The following TRPM1 variants were observed in gnomAD, a reference collection of about 807,000 sequenced individuals.
The protein encoded by TRPM1 is transient receptor potential cation channel subfamily M member 1.
TRPM1 carries 113 observed loss-of-function variants against 149.4 expected under a neutral mutation model. The ratio of observed to expected loss-of-function variants is 0.76; its 90% CI spans 0.65 to 0.88. The LOEUF is 0.88. Ranked by LOEUF, TRPM1 falls within the 40% of genes least tolerant of loss-of-function variation. The pLI is 0.00. For synonymous variants in TRPM1, 741 were observed against 759.5 expected, an observed-to-expected ratio of 0.98 and a Z score of 0.40; for missense variants, 1,976 against 2,038.7, an observed-to-expected ratio of 0.97 and a Z score of 0.59.
intron 20 of TRPM1, among the ~76,000 whole-genome samples, chr15:31,037,043 G>T (rs1370446150): frequency 6.6e-6 from 1 of 152,236 alleles, no homozygotes; most frequent in Non-Finnish European, 1.5e-5. Context: ...GACTGACGTG[G>T]TTGCACAAGC....
At chr15:31,113,611 T>C (rs1034210272) in intron 1 of TRPM1, among the ~76,000 whole-genome samples, 3 of 152,334 alleles carry the variant, frequency 2.0e-5, no homozygotes, top group Non-Finnish European at 2.9e-5. Context: ...CAAGTAAACT[T>C]GTGTCATAGC....
At chr15:31,024,872 T>G (rs928566474) in intron 27 of TRPM1, among the ~76,000 whole-genome samples, 10 of 152,190 alleles carry the variant, frequency 6.6e-5, no homozygotes, top group African/African-American at 2.4e-4. Context: ...TTATTAAAAA[T>G]TCACCTTGGT....
rs2033790732 is a variant in TRPM1, at chr15:31,047,136, T to C, written c.1739A>G (p.Tyr580Cys). The change falls in exon 15 of 28, where the codon TAC (tyrosine) becomes TGC (cysteine). Residue 580 changes from tyrosine (Y) to cysteine (C), a missense_variant. This residue lies in a region of TRPM1 where 1,332 missense variants were observed against 1,347.1 expected (regional missense o/e 0.99). Transcript: ENST00000256552. ...NYTRKNFRTL[Y>C]NNLFGPKRPK... ...CCTCTTTGGTCCAAACAAGTTGTTG[T>C]AAAGGGTCCGAAAGTTTTTCCGAGT... 1.2e-6 allele frequency: 2 copies of C among 1,614,162 alleles called. No homozygotes were observed. The highest frequency in any genetic ancestry group is 1.7e-6 in the Non-Finnish European group (2 of 1,180,026).
intron 27 of TRPM1, among the ~76,000 whole-genome samples, chr15:31,020,293 G>A (rs1272283625): frequency 1.3e-5 from 2 of 152,232 alleles, no homozygotes; most frequent in African/African-American, 2.4e-5. Context: ...CCAGGACTAA[G>A]CAAGGATATT....
chr15:31,072,008 T>TAGAGAG (rs1217815144), intron 3 of TRPM1, among the ~76,000 whole-genome samples: 3 of 34,756 alleles, frequency 8.6e-5, no homozygotes, highest in African/African-American at 2.5e-4. Context: ...TATATATATA[T>TAGAGAG]ATATATATAT....
intron 1 of TRPM1, among the ~76,000 whole-genome samples, chr15:31,134,039 C>G (rs981209276): frequency 6.6e-6 from 1 of 152,188 alleles, no homozygotes; most frequent in Non-Finnish European, 1.5e-5. Context: ...CCCTGGCAGT[C>G]CATGCAAAGG....
At chr15:31,156,195 CAAAAAAAAAAAAAAA>C (rs35981768) in intron 1 of TRPM1, among the ~76,000 whole-genome samples, 3 of 36,638 alleles carry the variant, frequency 8.2e-5, no homozygotes, top group South Asian at 3.0e-3. Flanking sequence ...AGACCTCTGT[CAAAAAAAAAAAAAAA>C]AAAAAAAAAA....
chr15:31,060,880 AGAACAG>A (rs2034213989), intron 10 of TRPM1, among the ~76,000 whole-genome samples: 1 of 152,204 alleles, frequency 6.6e-6, no homozygotes, highest in Non-Finnish European at 1.5e-5. Flanking sequence ...TGGGAGGGAC[AGAACAG>A]GAACCCAGTG....
At chr15:31,112,919 T>A (rs2035712299) in intron 1 of TRPM1, among the ~76,000 whole-genome samples, 1 of 152,222 alleles carries the variant, frequency 6.6e-6, no homozygotes, top group African/African-American at 2.4e-5. Context: ...TCTTCTGAAA[T>A]ACCTCTTAAT....
chr15:31,114,930 A>C (rs900751763), intron 1 of TRPM1, among the ~76,000 whole-genome samples: 1 of 152,254 alleles, frequency 6.6e-6, no homozygotes, highest in African/African-American at 2.4e-5. Context: ...CAATTGTATA[A>C]CAGAATAGCA....
At chr15:31,075,772 T>C (rs114808972) in intron 3 of TRPM1, among the ~76,000 whole-genome samples, 1,747 of 152,346 alleles carry the variant, frequency 0.011, 33 homozygotes, top group African/African-American at 0.04. Context: ...CCACAGACTC[T>C]AGCCTTTCTT....
At position 31,047,937 on chromosome 15, in the gene TRPM1, T is replaced by G; in HGVS notation, c.1575A>C (p.Arg525Ser). 1.2e-6 allele frequency: 2 copies of G among 1,613,842 alleles called. No homozygotes were observed. The highest frequency in any genetic ancestry group is 1.7e-6 in the Non-Finnish European group (2 of 1,179,728). The change falls in exon 14 of 28, where the codon AGA becomes AGC. Residue 525 changes from arginine (R) to serine (S), a missense_variant and splice_region_variant. Coordinates refer to ENST00000256552, the MANE Select transcript of TRPM1 (RefSeq NM_001252024.2). ...GATGAAGTGTGTTTGGTGGACCCAG[T>G]CTCTGAAAGAGAAGCATTCATGTGT... ...IPRLEELYNTRLGPPNTLHLL... is the reference protein window; with the variant it reads ...IPRLEELYNTSLGPPNTLHLL...
At chr15:31,111,819 G>A (rs1596078767) in intron 1 of TRPM1, among the ~76,000 whole-genome samples, 1 of 152,106 alleles carries the variant, frequency 6.6e-6, no homozygotes, top group South Asian at 2.1e-4. Flanking sequence ...ATGTCCTTAA[G>A]TAATGCTTTA....
intron 3 of TRPM1, among the ~76,000 whole-genome samples, chr15:31,075,604 G>A (rs1172356459): frequency 6.6e-6 from 1 of 152,178 alleles, no homozygotes; most frequent in Non-Finnish European, 1.5e-5. Context: ...TAAGGGACAG[G>A]ATGAGAAATG....
intron 23 of TRPM1, among the ~76,000 whole-genome samples, chr15:31,029,691 A>G (rs1295725108): frequency 6.6e-6 from 1 of 152,222 alleles, no homozygotes; most frequent in Non-Finnish European, 1.5e-5. Context: ...ACTGTGAAAA[A>G]GACATGATGT....
At chr15:31,092,081 T>A (rs1430237621) in intron 1 of TRPM1, among the ~76,000 whole-genome samples, 1 of 147,620 alleles carries the variant, frequency 6.8e-6, no homozygotes, top group Admixed American at 6.7e-5. Context: ...GAGAAAGTTT[T>A]TCTCTCTGGA....
At chr15:31,063,398 G>A in intron 7 of TRPM1, 106 bp from the exon 8 acceptor site, 1 of 1,407,014 alleles carries the variant, frequency 7.1e-7, no homozygotes, top group South Asian at 1.2e-5. Flanking sequence ...ACGACTTGGG[G>A]GATGTTCTAT....
At chr15:31,027,487 T>C (rs2032831852) in intron 25 of TRPM1, among the ~76,000 whole-genome samples, 1 of 152,138 alleles carries the variant, frequency 6.6e-6, no homozygotes, top group Non-Finnish European at 1.5e-5. Context: ...AGATGACTAC[T>C]TTTTTTTCAA....
intron 27 of TRPM1, among the ~76,000 whole-genome samples, chr15:31,019,447 G>C (rs1323323611): frequency 2.6e-5 from 4 of 152,194 alleles, no homozygotes; most frequent in African/African-American, 9.6e-5. Context: ...ACGCAGGCTG[G>C]AGTGCAATCA....
Sources: gnomAD v4.1 joint callset for allele counts (sites outside exome capture counted in the v4.1 genomes callset) on GRCh38, gnomAD v4.1.1 for gene constraint, gnomAD v4.1.1 regional missense constraint, MANE v1.5 for transcripts, NCBI Gene and HGNC (gene_info 2026-07-23, HGNC 2026-07-21) for gene names.